The following RALYL variants were observed in gnomAD, a reference collection of about 807,000 sequenced individuals.
RALYL encodes RNA-binding Raly-like protein.
A neutral mutation model predicts 35.1 loss-of-function variants in RALYL; 29 were observed. The observed-to-expected ratio is 0.83, with a 90% CI of 0.61 to 1.13. The LOEUF (loss-of-function observed/expected upper bound fraction) is 1.13. RALYL is among the 50% of genes most tolerant of loss of function. RALYL has a pLI of 0.00. For missense variants in RALYL, 359 were observed against 360.4 expected (o/e 1.00, Z 0.03); for synonymous variants, 120 against 127.6 (o/e 0.94, Z 0.40).
intron 8 of RALYL, among the ~76,000 whole-genome samples, chr8:84,918,336 C>G (rs1198544020): frequency 6.6e-6 from 1 of 151,930 alleles, no homozygotes; most frequent in Non-Finnish European, 1.5e-5. Flanking sequence ...TTAAATGTGC[C>G]TTCCATGTAG....
intron 2 of RALYL, among the ~76,000 whole-genome samples, chr8:84,674,469 C>A (rs1833831885): frequency 6.6e-6 from 1 of 152,156 alleles, no homozygotes; most frequent in Admixed American, 6.6e-5. Flanking sequence ...AAGGGGAATG[C>A]TTCCAGCTTT....
chr8:84,690,161 G>A (rs1437976399), intron 2 of RALYL, among the ~76,000 whole-genome samples: 2 of 152,122 alleles, frequency 1.3e-5, no homozygotes, highest in Non-Finnish European at 2.9e-5. Flanking sequence ...TAAAGAAAAT[G>A]TGGCACATAT....
intron 1 of RALYL, among the ~76,000 whole-genome samples, chr8:84,433,057 C>T (rs998247513): frequency 5.3e-5 from 8 of 151,976 alleles, no homozygotes; most frequent in Non-Finnish European, 8.8e-5. Context: ...TGCTCAAAAG[C>T]GATTGTTCCT....
chr8:84,585,415 T>C (rs1279961588), intron 2 of RALYL, among the ~76,000 whole-genome samples: 3 of 152,198 alleles, frequency 2.0e-5, no homozygotes, highest in Non-Finnish European at 4.4e-5. Context: ...TACTGATTCA[T>C]AGTAATGACA....
At chr8:84,646,723 T>C (rs915693224) in intron 2 of RALYL, among the ~76,000 whole-genome samples, 9 of 151,970 alleles carry the variant, frequency 5.9e-5, no homozygotes, top group African/African-American at 2.2e-4. Flanking sequence ...TTCCTTTTTG[T>C]TTTCTTTGTT....
intron 2 of RALYL, among the ~76,000 whole-genome samples, chr8:84,606,638 C>T (rs957530277): frequency 3.9e-5 from 6 of 152,012 alleles, no homozygotes; most frequent in Non-Finnish European, 5.9e-5. Context: ...ATTGCATGCA[C>T]GTAATTCAAA....
chr8:84,614,134 A>G (rs1208539401), intron 2 of RALYL, among the ~76,000 whole-genome samples: 2 of 151,514 alleles, frequency 1.3e-5, no homozygotes, highest in African/African-American at 2.4e-5. Context: ...GTTAGCATCA[A>G]TTTTCAAAGA....
intron 2 of RALYL, among the ~76,000 whole-genome samples, chr8:84,568,576 T>A (rs1463914334): frequency 0.028 from 1 of 36 alleles, no homozygotes; most frequent in Non-Finnish European, 0.056. Flanking sequence ...GTAATGAGAG[T>A]GGCTGGGTCA....
chr8:84,318,316 C>G (rs1185823511), intron 1 of RALYL, among the ~76,000 whole-genome samples: 4 of 152,206 alleles, frequency 2.6e-5, no homozygotes, highest in Non-Finnish European at 5.9e-5. Context: ...GAATGAGGAT[C>G]TACATCTTTA....
chr8:84,225,558 T>G (rs190660545), intron 1 of RALYL, among the ~76,000 whole-genome samples: 12 of 152,320 alleles, frequency 7.9e-5, no homozygotes, highest in African/African-American at 2.6e-4. Context: ...AAAGCTTTAT[T>G]TGTGCCCAGA....
In RALYL at chr8:84,620,517, A is replaced by C. The variant is rs560703949; in HGVS notation, c.256+90940A>C. ...CTTCTAAATTGTTTTCAAAGTTTTC[A>C]ACTTCTTTGCCTTTGGTTTGAATGT... On this transcript the variant is annotated intron_variant, in intron 2 of 8. Transcript: ENST00000521268. 1.6e-4 allele frequency among the ~76,000 whole-genome samples: 25 copies of C among 152,188 alleles called. No homozygotes were observed. The East Asian group carries it at 3.3e-3, about 20-fold the overall frequency.
At chr8:84,220,125 G>C (rs10100344) in intron 1 of RALYL, among the ~76,000 whole-genome samples, 59,262 of 151,706 alleles carry the variant, frequency 0.39, 11,716 homozygotes, top group Non-Finnish European at 0.42. Context: ...TACCAAGATA[G>C]CTAATTGTGT....
At chr8:84,425,261 T>G in intron 1 of RALYL, among the ~76,000 whole-genome samples, 1 of 151,958 alleles carries the variant, frequency 6.6e-6, no homozygotes, top group East Asian at 1.9e-4. Context: ...GGTGCGCCGT[T>G]TTTTAAGCCG....
At chr8:84,371,483 A>G (rs1043853406) in intron 1 of RALYL, among the ~76,000 whole-genome samples, 1 of 151,806 alleles carries the variant, frequency 6.6e-6, no homozygotes, top group Non-Finnish European at 1.5e-5. Flanking sequence ...AAAATGAAAT[A>G]ATGTTTAACC....
At chr8:84,774,702 T>C (rs371445662) in intron 3 of RALYL, 48 bp downstream of exon 3, 44 of 1,277,650 alleles carry the variant, frequency 3.4e-5, no homozygotes, top group Non-Finnish European at 4.9e-5. Context: ...GAAATTTTCT[T>C]GCAGCTTTAT....
chr8:84,597,082 C>A (rs987798969), intron 2 of RALYL, among the ~76,000 whole-genome samples: 5 of 152,042 alleles, frequency 3.3e-5, no homozygotes, highest in Admixed American at 2.6e-4. Flanking sequence ...GAAGGAAAAT[C>A]TAAAATAATG....
intron 1 of RALYL, among the ~76,000 whole-genome samples, chr8:84,205,463 C>T (rs1817839602): frequency 6.6e-6 from 1 of 152,138 alleles, no homozygotes; most frequent in Admixed American, 6.6e-5. Context: ...GTATTATAAC[C>T]TGAAAATATT....
intron 2 of RALYL, among the ~76,000 whole-genome samples, chr8:84,640,050 A>G (rs1825986394): frequency 6.6e-6 from 1 of 151,986 alleles, no homozygotes; most frequent in Non-Finnish European, 1.5e-5. Context: ...TAGCTTTGAT[A>G]AGCCCCAGCT....
At chr8:84,358,315 T>A (rs1563785331) in intron 1 of RALYL, among the ~76,000 whole-genome samples, 1 of 152,098 alleles carries the variant, frequency 6.6e-6, no homozygotes, top group East Asian at 1.9e-4. Flanking sequence ...ATTGAAACAC[T>A]TTGAGTATAG....
Sources: allele counts gnomAD v4.1 joint callset (sites outside exome capture counted in the v4.1 genomes callset), GRCh38; gene constraint gnomAD v4.1.1; transcripts MANE v1.5; gene names NCBI Gene and HGNC (gene_info 2026-07-23, HGNC 2026-07-21).